SNX11: variants seen among roughly 807,000 people sequenced by gnomAD.
SNX11 encodes sorting nexin 11.
In SNX11, 19 loss-of-function variants were observed where a neutral mutation model predicts 30.7. The ratio of observed to expected loss-of-function variants is 0.62; its 90% CI spans 0.43 to 0.91. The LOEUF is 0.91. SNX11 is among the 40% of genes least tolerant of loss of function. The probability of loss-of-function intolerance (pLI) is 0.00; values close to 1 mark genes in which losing one functional copy is unlikely to be tolerated. For missense variants in SNX11, 302 were observed against 326.7 expected (o/e 0.92, Z 0.58); for synonymous variants, 112 against 119.0 (o/e 0.94, Z 0.38).
In SNX11 at chr17:48,118,690, AT is replaced by A. The variant is rs758594487; in HGVS notation, c.231-13del. The A allele has an allele frequency of 1.2e-6, 2 of 1,600,500 alleles. No individual in the cohort carries two copies. Among genetic ancestry groups the A allele is most frequent in the South Asian group, 2.2e-5 (2 of 90,740 alleles). On this transcript the variant is annotated splice_polypyrimidine_tract_variant and intron_variant, in intron 4 of 6. Transcript: ENST00000359238. ...TTACACTTATCATGGGTGTTATATC[AT>A]GTGGCTGCACAGGCCTGTTCCTGAA...
In SNX11 at chr17:48,118,907, A is replaced by G. The variant is rs139015786; in HGVS notation, c.327-67A>G. 136 of 1,573,058 alleles carry G rather than the reference A, an allele frequency of 8.6e-5. No homozygotes were observed. In the African/African-American group the frequency reaches 1.7e-3, roughly 20 times the overall value. On this transcript the variant is annotated intron_variant, in intron 5 of 6. Transcript: ENST00000359238. ...GCTCAGGTAGCCAGAAGTTCTTAAG[A>G]GGATGGGGAATGGAGAGCAGTTCCT... is the stretch of plus-strand genomic sequence containing the variant.
chr17:48,108,754 G>A (rs183898741), intron 1 of SNX11, among the ~76,000 whole-genome samples: 2 of 152,204 alleles, frequency 1.3e-5, no homozygotes, highest in Middle Eastern at 3.2e-3. Flanking sequence ...TTATTTGGAT[G>A]AAGTACAGAT....
At chr17:48,119,986 G>A (rs1325055580) in intron 6 of SNX11, among the ~76,000 whole-genome samples, 1 of 151,870 alleles carries the variant, frequency 6.6e-6, no homozygotes, top group Non-Finnish European at 1.5e-5. Context: ...GTCTATTTTG[G>A]ACATTTACAC....
intron 1 of SNX11, chr17:48,111,058 C>G: frequency 1.0e-6 from 1 of 983,300 alleles, no homozygotes; most frequent in East Asian, 1.1e-4. Flanking sequence ...AGAACGCATC[C>G]TGAGTCGACC....
intron 6 of SNX11, among the ~76,000 whole-genome samples, chr17:48,120,855 C>T (rs557745679): frequency 1.4e-4 from 21 of 151,486 alleles, no homozygotes; most frequent in African/African-American, 4.8e-4. Context: ...CCAGGTTACC[C>T]AGGTTGGTCT....
chr17:48,118,451 C>T (rs1002739774), intron 4 of SNX11, among the ~76,000 whole-genome samples: 5 of 151,972 alleles, frequency 3.3e-5, no homozygotes, highest in Admixed American at 3.3e-4. Flanking sequence ...TGGTGGCCTG[C>T]ACCTGTAATC....
At chr17:48,114,167 TC>T (rs1333083997) in intron 4 of SNX11, among the ~76,000 whole-genome samples, 1 of 103,194 alleles carries the variant, frequency 9.7e-6, no homozygotes, top group East Asian at 4.1e-4. Flanking sequence ...GGAAATATGT[TC>T]TTTTTTTTTT....
intron 4 of SNX11, chr17:48,113,640 G>T: frequency 5.1e-6 from 2 of 390,228 alleles, no homozygotes; most frequent in Non-Finnish European, 4.8e-6. Context: ...CAACCTCCTG[G>T]GTTCTAGCAA....
intron 4 of SNX11, among the ~76,000 whole-genome samples, chr17:48,117,546 C>T (rs545096882): frequency 4.0e-5 from 6 of 151,136 alleles, no homozygotes; most frequent in African/African-American, 7.3e-5. Context: ...CGTGAGCCAC[C>T]GCGCCTGGCT....
intron 4 of SNX11, 48 bp downstream of exon 4, chr17:48,113,449 GT>G (rs765569909): frequency 7.3e-7 from 1 of 1,377,910 alleles, no homozygotes; most frequent in African/African-American, 1.4e-5. Context: ...GGCTTTTTGG[GT>G]GCTTATGTAG....
In SNX11 at chr17:48,119,165, C is replaced by T. The variant is rs879698878; in HGVS notation, c.518C>T (p.Ala173Val). The change falls in exon 6 of 7, where the codon GCT (alanine) becomes GTT (valine). Residue 173 changes from alanine (A) to valine (V), a missense_variant. By Grantham distance (64) the Ala-to-Val change is moderately conservative. Coordinates refer to ENST00000359238, the MANE Select transcript of SNX11 (RefSeq NM_013323.3). Reference sequence around the variant, plus strand: ...GAGAGGCAGAGCTCTTCTCACCTGGCTAAAGGAGACCAGCCTAAGAGGTAA... The same window carrying T: ...GAGAGGCAGAGCTCTTCTCACCTGGTTAAAGGAGACCAGCCTAAGAGGTAA... Reference protein sequence around the residue: ...QEERQSSSHLAKGDQPKSCCF... With the variant: ...QEERQSSSHLVKGDQPKSCCF... 14 of 1,613,762 alleles carry T rather than the reference C, an allele frequency of 8.7e-6. No homozygotes were observed. The highest frequency in any genetic ancestry group is 1.1e-5 in the Non-Finnish European group (13 of 1,179,922).
intron 6 of SNX11, among the ~76,000 whole-genome samples, chr17:48,120,573 G>A (rs568118833): frequency 2.6e-4 from 33 of 126,222 alleles, no homozygotes; most frequent in African/African-American, 9.0e-4. Flanking sequence ...GCAGTGGCAC[G>A]ATTCAGCTCA....
In SNX11 at chr17:48,121,280, G is replaced by T. The variant is rs150730928; in HGVS notation, c.585G>T (p.Pro195=). The stretch of plus-strand genomic sequence containing the variant: ...CGGGTAGGAGGAGCTCTCCCTCACC[G>T]CCTCCCAGTGAAGAAAAGGACCATT... The part of the protein sequence containing the change: ...PRSGRRSSPS[P]PPSEEKDHLE... The change falls in exon 7 of 7, where the codon CCG becomes CCT. Residue 195 remains proline (P), a synonymous_variant. Transcript: ENST00000359238. The T allele has an allele frequency of 1.9e-6, 3 of 1,613,982 alleles. No individual in the cohort carries two copies. Among genetic ancestry groups the T allele is most frequent in the African/African-American group, 2.7e-5 (2 of 74,978 alleles).
At chr17:48,113,550 T>TTG in intron 4 of SNX11, 149 bp downstream of exon 4, 2 of 297,398 alleles carry the variant, frequency 6.7e-6, no homozygotes, top group African/African-American at 4.5e-5. Flanking sequence ...TTTTTTGGGT[T>TTG]TTTTTTTTTT....
chr17:48,120,107 T>A (rs1458189533), intron 6 of SNX11, among the ~76,000 whole-genome samples: 1 of 152,190 alleles, frequency 6.6e-6, no homozygotes, highest in African/African-American at 2.4e-5. Flanking sequence ...ACTGTTTTTT[T>A]CTCTTTTTTT....
chr17:48,114,719 T>C (rs1338562762), intron 4 of SNX11, among the ~76,000 whole-genome samples: 1 of 150,478 alleles, frequency 6.6e-6, no homozygotes, highest in Non-Finnish European at 1.5e-5. Flanking sequence ...AGTTTCACTT[T>C]GTTGCCCAGG....
intron 1 of SNX11, 109 bp from the exon 2 acceptor site, chr17:48,111,922 T>A (rs1181848218): frequency 1.2e-6 from 1 of 813,424 alleles, no homozygotes; most frequent in East Asian, 2.5e-5. Context: ...AAGTGTTGCC[T>A]GGGTTTCCCC....
chr17:48,117,689 G>A (rs1410857988), intron 4 of SNX11, among the ~76,000 whole-genome samples: 1 of 152,076 alleles, frequency 6.6e-6, no homozygotes, highest in African/African-American at 2.4e-5. Context: ...ATGGCACCAA[G>A]CTGGGAGTGG....
At chr17:48,116,123 G>T (rs931292530) in intron 4 of SNX11, among the ~76,000 whole-genome samples, 21 of 152,020 alleles carry the variant, frequency 1.4e-4, no homozygotes, top group African/African-American at 5.1e-4. Context: ...GCCGGGTGTG[G>T]TGGCAGGTGC....
Sources: gnomAD v4.1 joint callset for allele counts (sites outside exome capture counted in the v4.1 genomes callset) on GRCh38, gnomAD v4.1.1 for gene constraint, MANE v1.5 for transcripts, NCBI Gene and HGNC (gene_info 2026-07-23, HGNC 2026-07-21) for gene names.